LRBA: variants seen among roughly 807,000 people sequenced by gnomAD.
The protein encoded by LRBA is LPS responsive beige-like anchor protein.
Under a neutral mutation model 330.0 loss-of-function variants are expected in LRBA, and 176 were observed. The observed-to-expected ratio is 0.53, with a 90% CI of 0.47 to 0.60. LRBA has a LOEUF of 0.60. LRBA is among the 20% of genes least tolerant of loss of function. LRBA has a pLI of 0.00. For missense variants in LRBA, 3,259 were observed against 3,444.8 expected (o/e 0.95, Z 1.35); for synonymous variants, 1,230 against 1,193.0 (o/e 1.03, Z -0.64).
intron 28 of LRBA, among the ~76,000 whole-genome samples, chr4:150,837,768 A>T (rs2126857010): frequency 6.6e-6 from 1 of 152,282 alleles, no homozygotes; most frequent in East Asian, 1.9e-4. Flanking sequence ...GTGTCTTTTA[A>T]TTGGAGCATT....
At chr4:150,838,239 C>T (rs1045367708) in intron 28 of LRBA, among the ~76,000 whole-genome samples, 12 of 152,146 alleles carry the variant, frequency 7.9e-5, no homozygotes, top group African/African-American at 2.7e-4. Flanking sequence ...TCCTTCATTT[C>T]AACTTTGGTG....
At chr4:150,550,279 C>T (rs929469385) in intron 40 of LRBA, among the ~76,000 whole-genome samples, 2 of 152,000 alleles carry the variant, frequency 1.3e-5, no homozygotes, top group African/African-American at 2.4e-5. Context: ...AACATGCATG[C>T]TCCACTTTAG....
chr4:151,003,932 T>A (rs1024599650), intron 2 of LRBA, among the ~76,000 whole-genome samples: 1 of 138,644 alleles, frequency 7.2e-6, no homozygotes, highest in African/African-American at 2.7e-5. Context: ...TGTGTGTGTG[T>A]GTGACAGTCT....
At chr4:150,547,545 C>T (rs912608907) in intron 40 of LRBA, among the ~76,000 whole-genome samples, 10 of 152,124 alleles carry the variant, frequency 6.6e-5, no homozygotes, top group South Asian at 4.1e-4. Context: ...TAATTTTCTC[C>T]GCTTTCCCTC....
At chr4:150,660,555 G>A (rs1226042926) in intron 37 of LRBA, among the ~76,000 whole-genome samples, 1 of 149,594 alleles carries the variant, frequency 6.7e-6, no homozygotes, top group East Asian at 2.1e-4. Flanking sequence ...GCCACCACCC[G>A]GTCTGGGAGG....
At chr4:150,747,404 C>T (rs535323653) in intron 35 of LRBA, among the ~76,000 whole-genome samples, 1 of 152,282 alleles carries the variant, frequency 6.6e-6, no homozygotes, top group South Asian at 2.1e-4. Flanking sequence ...TTTGACACTG[C>T]ACCAACCATT....
chr4:150,506,220 C>A (rs1477067471), intron 40 of LRBA, among the ~76,000 whole-genome samples: 1 of 152,200 alleles, frequency 6.6e-6, no homozygotes, highest in Non-Finnish European at 1.5e-5. Flanking sequence ...CTCCCTAACT[C>A]ATTTTATGAG....
chr4:150,753,431 C>T (rs1047709297), intron 35 of LRBA, among the ~76,000 whole-genome samples: 9 of 152,120 alleles, frequency 5.9e-5, no homozygotes, highest in Admixed American at 2.0e-4. Context: ...ATGAGAGTTC[C>T]GTTTTTCACC....
chr4:150,616,115 T>G (rs1244686256), intron 37 of LRBA, among the ~76,000 whole-genome samples: 1 of 152,292 alleles, frequency 6.6e-6, no homozygotes, highest in Admixed American at 6.5e-5. Context: ...AACACAGATA[T>G]CCAAGCTGAG....
At chr4:150,952,659 T>C (rs1736969973) in intron 2 of LRBA, among the ~76,000 whole-genome samples, 2 of 151,486 alleles carry the variant, frequency 1.3e-5, no homozygotes, top group African/African-American at 4.9e-5. Flanking sequence ...GTGCGTGGGG[T>C]GGGCGGGGTG....
At chr4:150,505,430 T>G (rs1485686274) in intron 40 of LRBA, among the ~76,000 whole-genome samples, 5 of 152,210 alleles carry the variant, frequency 3.3e-5, no homozygotes, top group Non-Finnish European at 7.4e-5. Flanking sequence ...AGAAACTCAA[T>G]CAAAACCGCT....
intron 37 of LRBA, among the ~76,000 whole-genome samples, chr4:150,621,312 T>C (rs1243999050): frequency 6.6e-6 from 1 of 152,190 alleles, no homozygotes; most frequent in Non-Finnish European, 1.5e-5. Context: ...GAGTTGTATT[T>C]TTAAAAACTG....
intron 2 of LRBA, among the ~76,000 whole-genome samples, chr4:150,930,326 A>AAG (rs1734360276): frequency 6.6e-6 from 1 of 150,786 alleles, no homozygotes; most frequent in South Asian, 2.1e-4. Flanking sequence ...AAAAAAAAAA[A>AAG]CAAAAAAATA....
At chr4:150,709,436 G>C (rs957039179) in intron 36 of LRBA, among the ~76,000 whole-genome samples, 3 of 151,962 alleles carry the variant, frequency 2.0e-5, no homozygotes, top group Non-Finnish European at 4.4e-5. Flanking sequence ...GCAGTAATTT[G>C]AGACGCTATT....
chr4:150,455,287 T>C lies in LRBA; in HGVS notation c.6780+12386A>G, dbSNP rs1753921260. Among the ~76,000 whole-genome samples, 3 of 152,206 alleles carry C rather than the reference T, an allele frequency of 2.0e-5. 1 individual carries two copies. Among genetic ancestry groups the C allele is most frequent in the African/African-American group, 7.2e-5 (3 of 41,538 alleles). ...CCCAGCCATCCCATTACTGGGTATA[T>C]ACCCAAATGACTATAAATCATGCTG... On this transcript the variant is annotated intron_variant, in intron 44 of 56. Transcript: ENST00000651943.
intron 2 of LRBA, among the ~76,000 whole-genome samples, chr4:151,011,794 C>A (rs1261725765): frequency 6.6e-5 from 10 of 151,888 alleles, no homozygotes; most frequent in Admixed American, 6.6e-4. Flanking sequence ...CCCACCTCAT[C>A]CTCCCAAGTA....
intron 47 of LRBA, among the ~76,000 whole-genome samples, chr4:150,399,418 A>G (rs1385101886): frequency 6.6e-6 from 1 of 152,110 alleles, no homozygotes; most frequent in Non-Finnish European, 1.5e-5. Context: ...ATACTTTTTG[A>G]AGACTCATCC....
intron 46 of LRBA, among the ~76,000 whole-genome samples, chr4:150,435,182 TA>T (rs1005119813): frequency 2.0e-5 from 3 of 149,718 alleles, no homozygotes; most frequent in African/African-American, 4.9e-5. Context: ...CCATCTCTAC[TA>T]AAAAAAAATA....
At position 150,303,365 on chromosome 4, in the gene LRBA, A is replaced by C. The variant is rs1195054987; in HGVS notation, c.7850-573T>G. Among the ~76,000 whole-genome samples, 4 of 152,308 alleles carry C rather than the reference A, an allele frequency of 2.6e-5. No homozygotes were observed. In the East Asian group the frequency reaches 5.8e-4, roughly 22 times the overall value. ...TGGAAATTATGATGAAAGAACTAAT[A>C]TATTGTGATTGCAATTTGAGCCAGG... On this transcript the variant is annotated intron_variant, in intron 52 of 56. Coordinates refer to ENST00000651943, the MANE Select transcript of LRBA (RefSeq NM_001364905.1).
Sources: allele counts gnomAD v4.1 joint callset (sites outside exome capture counted in the v4.1 genomes callset), GRCh38; gene constraint gnomAD v4.1.1; transcripts MANE v1.5; gene names NCBI Gene and HGNC (gene_info 2026-07-23, HGNC 2026-07-21).